The following MEGF11 variants were observed in gnomAD, a reference collection of about 807,000 sequenced individuals.
The protein encoded by MEGF11 is multiple EGF like domains 11, also known as multiple epidermal growth factor-like domains protein 11.
MEGF11 carries 126 observed loss-of-function variants against 146.6 expected under a neutral mutation model. The observed-to-expected ratio is 0.86, with a 90% CI of 0.74 to 1.00. MEGF11 has a LOEUF of 1.00. Among genes scored for constraint, MEGF11 ranks in the 50% least tolerant of loss-of-function variants. The pLI, the probability that MEGF11 is intolerant of heterozygous loss-of-function variation, is 0.00. For synonymous variants in MEGF11, 532 were observed against 583.4 expected, an observed-to-expected ratio of 0.91 and a Z score of 1.27; for missense variants, 1,509 against 1,521.2, an observed-to-expected ratio of 0.99 and a Z score of 0.13.
chr15:65,950,436 G>A (rs1013446953), intron 10 of MEGF11, among the ~76,000 whole-genome samples: 1 of 152,022 alleles, frequency 6.6e-6, no homozygotes, highest in Non-Finnish European at 1.5e-5. Flanking sequence ...AAATCAGCTG[G>A]GCATGATGGC....
chr15:66,105,779 CA>C (rs1477427542), intron 4 of MEGF11, among the ~76,000 whole-genome samples: 1 of 152,230 alleles, frequency 6.6e-6, no homozygotes, highest in African/African-American at 2.4e-5. Flanking sequence ...CTCTAAATCA[CA>C]CTTGCTGTTG....
At position 66,230,196 on chromosome 15, in the gene MEGF11, C is replaced by A. The variant is rs147866287; in HGVS notation, c.-9+23409G>T. On this transcript the variant is annotated intron_variant, in intron 1 of 25. Transcript: ENST00000395614. ...GGGGACTCTCTCCAGTGAAGGAAAG[C>A]CTCTGGCTACATACTCCCTGCCTCC... Among the ~76,000 whole-genome samples, 977 of 152,288 alleles carry A rather than the reference C, an allele frequency of 6.4e-3. 9 individuals are homozygous for A. Among genetic ancestry groups the A allele is most frequent in the African/African-American group, 0.022 (909 of 41,544 alleles).
At chr15:65,985,648 G>T (rs868132593) in intron 5 of MEGF11, among the ~76,000 whole-genome samples, 1 of 152,068 alleles carries the variant, frequency 6.6e-6, no homozygotes, top group Non-Finnish European at 1.5e-5. Flanking sequence ...CCAGAATATT[G>T]TCATAAAGTC....
intron 10 of MEGF11, 85 bp downstream of exon 10, chr15:65,957,462 G>T (rs918718104): frequency 7.5e-7 from 1 of 1,331,186 alleles, no homozygotes; most frequent in Non-Finnish European, 1.0e-6. Flanking sequence ...CTGGGTGCAG[G>T]GCCACAGTCC....
chr15:66,194,300 A>T (rs115262668), intron 1 of MEGF11, among the ~76,000 whole-genome samples: 1 of 152,182 alleles, frequency 6.6e-6, no homozygotes, highest in Admixed American at 6.5e-5. Flanking sequence ...AGCTGTGAGG[A>T]CACAAAGGCA....
intron 1 of MEGF11, among the ~76,000 whole-genome samples, chr15:66,183,016 C>T (rs2090594466): frequency 6.6e-6 from 1 of 152,050 alleles, no homozygotes. Context: ...TGGGTGGTCA[C>T]AATAACGCGA....
chr15:65,970,423 A>G, intron 8 of MEGF11, 130 bp downstream of exon 8: 1 of 1,009,346 alleles, frequency 9.9e-7, no homozygotes, highest in African/African-American at 1.6e-5. Context: ...CCCTGGCAGG[A>G]GAGCTCAGAG....
Position 65,955,775 on chromosome 15 carries a change from T to TAG in MEGF11, c.1287+1771_1287+1772insCT, listed in dbSNP as rs1555455819. Among the ~76,000 whole-genome samples the TAG allele has an allele frequency of 6.6e-3, 56 of 8,426 alleles. 5 individuals carry two copies. Among genetic ancestry groups the TAG allele is most frequent in the Middle Eastern group, 0.1 (1 of 10 alleles). The allele number at this position is 8,426 out of a possible 152,430, so 5.5% of individuals were successfully genotyped here. A position where few individuals can be genotyped will look rare whatever the true frequency, so the allele number is the denominator to read the frequency against. On this transcript the variant is annotated intron_variant, in intron 10 of 25. Coordinates refer to ENST00000395614, the MANE Select transcript of MEGF11 (RefSeq NM_001385028.1). ...AAAAAAAAAAAAATATATATATATA[T>TAG]ATATATATATATATATATACACACA...
intron 5 of MEGF11, among the ~76,000 whole-genome samples, chr15:66,036,450 A>G (rs1310611162): frequency 6.6e-6 from 1 of 152,234 alleles, no homozygotes; most frequent in Non-Finnish European, 1.5e-5. Flanking sequence ...TCACGGCCAC[A>G]CAGCATTCCA....
intron 1 of MEGF11, among the ~76,000 whole-genome samples, chr15:66,140,376 C>A (rs1687663063): frequency 6.6e-6 from 1 of 152,090 alleles, no homozygotes; most frequent in Admixed American, 6.5e-5. Context: ...GTGAACCACC[C>A]ATTCCTTATT....
At chr15:65,990,833 C>G (rs961584852) in intron 5 of MEGF11, among the ~76,000 whole-genome samples, 16 of 152,200 alleles carry the variant, frequency 1.1e-4, no homozygotes, top group African/African-American at 3.6e-4. Context: ...AATGTCCCCA[C>G]TTGAGAAACA....
chr15:66,220,248 A>C (rs2091699098), intron 1 of MEGF11, among the ~76,000 whole-genome samples: 6 of 142,944 alleles, frequency 4.2e-5, no homozygotes, highest in African/African-American at 5.1e-5. Context: ...AGAACCCCCC[A>C]CCCCCCGCCA....
chr15:65,929,614 C>T (rs1421523650), intron 12 of MEGF11, 106 bp downstream of exon 12: 4 of 1,329,236 alleles, frequency 3.0e-6, no homozygotes, highest in Non-Finnish European at 4.1e-6. Context: ...GTCCCATCAC[C>T]TAGCTTAGTG....
chr15:66,250,142 C>T (rs1242134028), intron 1 of MEGF11, among the ~76,000 whole-genome samples: 1 of 152,208 alleles, frequency 6.6e-6, no homozygotes, highest in Non-Finnish European at 1.5e-5. Flanking sequence ...GTTGCCAGCA[C>T]TCACCAGCTC....
intron 4 of MEGF11, among the ~76,000 whole-genome samples, chr15:66,102,428 ATTTTCT>A (rs2086859794): frequency 7.6e-6 from 1 of 132,414 alleles, no homozygotes; most frequent in African/African-American, 3.0e-5. Context: ...CATTTTAAAC[ATTTTCT>A]TTTTTTTTTT....
At chr15:66,199,108 G>T (rs2091085575) in intron 1 of MEGF11, among the ~76,000 whole-genome samples, 1 of 152,032 alleles carries the variant, frequency 6.6e-6, no homozygotes, top group South Asian at 2.1e-4. Flanking sequence ...TCTCCAAAGG[G>T]GCAAAGGGGT....
rs577880551 is a variant in MEGF11 at position 66,077,201 on chromosome 15, G to C, written c.394+17201C>G. 1.6e-4 allele frequency among the ~76,000 whole-genome samples: 24 copies of C among 152,298 alleles called. No homozygotes were observed. In the South Asian group the frequency reaches 5.0e-3, roughly 32 times the overall value. ...TGGGTGCCTCCGCTTCAACCACACT[G>C]ACCTGCTCAGCACTGGCACCTTTGC... On this transcript the variant is annotated intron_variant, in intron 5 of 25. Coordinates refer to ENST00000395614, the MANE Select transcript of MEGF11 (RefSeq NM_001385028.1).
At chr15:66,020,732 C>T (rs1022035709) in intron 5 of MEGF11, among the ~76,000 whole-genome samples, 2 of 152,114 alleles carry the variant, frequency 1.3e-5, no homozygotes, top group African/African-American at 2.4e-5. Flanking sequence ...GTGGCTCACG[C>T]CTGTAATCCC....
chr15:65,924,624 CTTTTT>C (rs573572484), intron 13 of MEGF11, among the ~76,000 whole-genome samples: 3 of 111,614 alleles, frequency 2.7e-5, no homozygotes, highest in African/African-American at 1.0e-4. Flanking sequence ...TGCCATAAGG[CTTTTT>C]TTTTTTTTTT....
Sources: allele counts gnomAD v4.1 joint callset (sites outside exome capture counted in the v4.1 genomes callset), GRCh38; gene constraint gnomAD v4.1.1; transcripts MANE v1.5; gene names NCBI Gene and HGNC (gene_info 2026-07-23, HGNC 2026-07-21).